The following INSR variants were observed in gnomAD, a reference collection of about 807,000 sequenced individuals.
INSR encodes the protein insulin receptor.
In INSR, 67 loss-of-function variants were observed where a neutral mutation model predicts 142.6. The observed-to-expected ratio is 0.47, with a 90% CI of 0.39 to 0.58. The LOEUF (loss-of-function observed/expected upper bound fraction) is 0.58, where lower values mean the gene tolerates loss of function less well. Ranked by LOEUF, INSR falls within the 20% of genes least tolerant of loss-of-function variation. The pLI is 0.00. For missense variants in INSR, 1,248 were observed against 1,833.2 expected (o/e 0.68, Z 5.83); for synonymous variants, 756 against 743.1 (o/e 1.02, Z -0.28).
chr19:7,258,073 G>A (rs959211050), intron 2 of INSR, among the ~76,000 whole-genome samples: 1 of 152,136 alleles, frequency 6.6e-6, no homozygotes. Context: ...TGATCTGCCC[G>A]CTTCGGCCTC....
rs536594142 is a variant in INSR, at chr19:7,154,594, A to G, written c.2030-1667T>C. Among the ~76,000 whole-genome samples the G allele has an allele frequency of 2.0e-3, 295 of 146,384 alleles. 3 individuals are homozygous for G. Among genetic ancestry groups the G allele is most frequent in the Middle Eastern group, 0.01 (3 of 290 alleles). The stretch of plus-strand genomic sequence containing the variant: ...TGGGATTACAGGCGTGAGCCACTGC[A>G]CCCGGCCCACAATTACTTTTGCACC... On this transcript the variant is annotated intron_variant, in intron 9 of 21. Transcript: ENST00000302850.
intron 1 of INSR, among the ~76,000 whole-genome samples, chr19:7,290,495 C>G (rs1460026129): frequency 6.6e-6 from 1 of 151,442 alleles, no homozygotes; most frequent in Non-Finnish European, 1.5e-5. Flanking sequence ...ATATTGGGCC[C>G]GGAGTGATGG....
At chr19:7,256,708 A>G (rs550220498) in intron 2 of INSR, among the ~76,000 whole-genome samples, 28 of 152,100 alleles carry the variant, frequency 1.8e-4, no homozygotes, top group Non-Finnish European at 3.7e-4. Context: ...CCTGGACAAC[A>G]GAGTTGAGAC....
rs375811584 is a variant in INSR, at chr19:7,267,915, A to G, written c.101-19T>C. On this transcript the variant is annotated intron_variant, in intron 1 of 21. Coordinates refer to ENST00000302850, the MANE Select transcript of INSR (RefSeq NM_000208.4). The surrounding 1 kb of genome is among the most constrained non-coding windows in gnomAD (Gnocchi z 6.3). The stretch of plus-strand genomic sequence containing the variant: ...GGACACACTACAAGAGAAAATGAAC[A>G]GAAAGCAAGACAGGTGAGCAGACGC... The G allele has an allele frequency of 9.4e-5, 151 of 1,608,638 alleles. No individual in the cohort carries two copies. The Middle Eastern group carries it at 1.7e-3, about 18-fold the overall frequency.
intron 2 of INSR, among the ~76,000 whole-genome samples, chr19:7,204,444 G>A (rs568015076): frequency 2.6e-5 from 4 of 152,000 alleles, no homozygotes; most frequent in East Asian, 3.9e-4. Context: ...TCGTTTTCCC[G>A]GGGGGCCACT....
At chr19:7,191,961 AAAG>A (rs1383855880) in intron 2 of INSR, among the ~76,000 whole-genome samples, 5 of 150,362 alleles carry the variant, frequency 3.3e-5, no homozygotes, top group Non-Finnish European at 5.9e-5. Flanking sequence ...AGATAAAAAG[AAAG>A]AAGGAGGGAA....
At chr19:7,196,852 T>C (rs1974761734) in intron 2 of INSR, among the ~76,000 whole-genome samples, 2 of 152,322 alleles carry the variant, frequency 1.3e-5, no homozygotes, top group South Asian at 2.1e-4. Flanking sequence ...AACGGAACAG[T>C]TGCGTCATGG....
At chr19:7,249,681 G>A (rs543946756) in intron 2 of INSR, among the ~76,000 whole-genome samples, 1 of 151,996 alleles carries the variant, frequency 6.6e-6, no homozygotes, top group East Asian at 1.9e-4. Context: ...GACTCCATCT[G>A]TACAAAAAAT....
rs1974056804 is a variant in INSR at position 7,173,105 on chromosome 19, C to T, written c.1124-671G>A. Among the ~76,000 whole-genome samples, 4 of 152,034 alleles carry T rather than the reference C, an allele frequency of 2.6e-5. No homozygotes were observed. In the South Asian group the frequency reaches 8.3e-4, roughly 32 times the overall value. On this transcript the variant is annotated intron_variant, in intron 4 of 21. Transcript: ENST00000302850. ...AGGCTGAATATATTCATGAAAGAGC[C>T]CTTTATAGGGAAAAGTTGCCCATTT... is the stretch of plus-strand genomic sequence containing the variant.
intron 2 of INSR, among the ~76,000 whole-genome samples, chr19:7,214,286 C>G (rs1195731796): frequency 6.6e-6 from 1 of 152,182 alleles, no homozygotes; most frequent in Admixed American, 6.6e-5. Context: ...TCCCAGAACT[C>G]TAGTTCTTAT....
chr19:7,137,165 G>A (rs117318952), intron 13 of INSR, among the ~76,000 whole-genome samples: 2,346 of 151,748 alleles, frequency 0.015, 26 homozygotes, highest in Non-Finnish European at 0.021. Flanking sequence ...AATTTATACT[G>A]TTGGAGTGTA....
chr19:7,128,880 C>T lies in INSR; in HGVS notation c.2917G>A (p.Gly973Arg). 6.2e-7 allele frequency: 1 copy of T among 1,613,746 alleles called. No homozygotes were observed. Among genetic ancestry groups the T allele is most frequent in the South Asian group, 1.1e-5 (1 of 91,078 alleles). ...TTTCTCAGGAATAGATAAATACTTCCAATCACAACACTGAAGAGAAAGACA... is the reference window on the plus strand; with the variant it reads ...TTTCTCAGGAATAGATAAATACTTCTAATCACAACACTGAAGAGAAAGACA... ...IFVFLFSVVIGSIYLFLRKRQ... is the reference protein window; with the variant it reads ...IFVFLFSVVIRSIYLFLRKRQ... The change falls in exon 15 of 22, where the codon GGA becomes AGA. Residue 973 changes from glycine to arginine, a missense_variant. By Grantham distance (125) the Gly-to-Arg change is moderately radical. Transcript: ENST00000302850.
chr19:7,170,054 G>A (rs1005912972), intron 6 of INSR, among the ~76,000 whole-genome samples: 1 of 152,100 alleles, frequency 6.6e-6, no homozygotes, highest in Non-Finnish European at 1.5e-5. Flanking sequence ...GGCCTGTTAC[G>A]AACAGGGCTG....
chr19:7,132,263 G>C lies in INSR; in HGVS notation c.2737C>G (p.Leu913Val). 1 of 1,614,228 alleles carries C rather than the reference G, an allele frequency of 6.2e-7. No homozygotes were observed. Among genetic ancestry groups the C allele is most frequent in the Non-Finnish European group, 8.5e-7 (1 of 1,180,032 alleles). The stretch of plus-strand genomic sequence containing the variant: ...TAGTTCCCCGGTGACAGCCCACGCA[G>C]CCTGCAGCCCCGTTCCAGAGCGAAG... The part of the protein sequence containing the change: ...KHFALERGCR[L>V]RGLSPGNYSV... Residue 913 changes from leucine (L) to valine (V), a missense_variant, in exon 14 of 22, where the codon CTG becomes GTG. Physicochemically the swap from Leu to Val is conservative, Grantham distance 32 (BLOSUM62 1). Coordinates refer to ENST00000302850, the MANE Select transcript of INSR (RefSeq NM_000208.4).
Position 7,275,600 on chromosome 19 carries a change from T to C in INSR, c.101-7704A>G, listed in dbSNP as rs184009960. ...GAGTTTGAGATCAGCCTGGATAACA[T>C]GGTGAAACCCCGTCTCTACTAAAAA... On this transcript the variant is annotated intron_variant, in intron 1 of 21. Transcript: ENST00000302850. Among the ~76,000 whole-genome samples the C allele has an allele frequency of 5.5e-3, 840 of 151,846 alleles. 7 individuals carry two copies. The highest frequency in any genetic ancestry group is 8.4e-3 in the Non-Finnish European group (569 of 67,932).
At chr19:7,175,833 C>CAA (rs113649135) in intron 3 of INSR, among the ~76,000 whole-genome samples, 2,445 of 141,554 alleles carry the variant, frequency 0.017, 41 homozygotes, top group Middle Eastern at 0.057. Flanking sequence ...GACTCCATCT[C>CAA]AAAAAAAAAA....
intron 11 of INSR, among the ~76,000 whole-genome samples, chr19:7,147,023 A>T (rs1973202024): frequency 6.6e-6 from 1 of 152,148 alleles, no homozygotes; most frequent in African/African-American, 2.4e-5. Flanking sequence ...TTATCAATCC[A>T]TTTAAGTCTG....
intron 2 of INSR, among the ~76,000 whole-genome samples, chr19:7,253,310 C>T (rs886541665): frequency 6.6e-6 from 1 of 152,054 alleles, no homozygotes; most frequent in East Asian, 1.9e-4. Context: ...GTGATCTCGA[C>T]TCACTGCAAC....
intron 2 of INSR, among the ~76,000 whole-genome samples, chr19:7,185,305 C>T (rs746286959): frequency 7.2e-5 from 11 of 152,198 alleles, no homozygotes; most frequent in Non-Finnish European, 1.6e-4. Flanking sequence ...CAAGCCAACT[C>T]CAGCATGCTG....
Sources: gnomAD v4.1 joint callset for allele counts (sites outside exome capture counted in the v4.1 genomes callset) on GRCh38, gnomAD v4.1.1 for gene constraint, Gnocchi (gnomAD v3.1) non-coding constraint, MANE v1.5 for transcripts, NCBI Gene and HGNC (gene_info 2026-07-23, HGNC 2026-07-21) for gene names.